The following PDZRN3 variants were observed in gnomAD, a reference collection of about 807,000 sequenced individuals.
PDZRN3 encodes PDZ domain containing ring finger 3.
Under a neutral mutation model 85.7 loss-of-function variants are expected in PDZRN3, and 38 were observed. That is an observed-to-expected ratio of 0.44 (90% CI 0.34 to 0.58). The LOEUF (loss-of-function observed/expected upper bound fraction) is 0.58. Among genes scored for constraint, PDZRN3 ranks in the 20% least tolerant of loss-of-function variants. The pLI is 0.01. For missense variants in PDZRN3, 1,629 were observed against 1,506.4 expected (o/e 1.08, Z -1.35); for synonymous variants, 759 against 638.0 (o/e 1.19, Z -2.86).
intron 3 of PDZRN3, among the ~76,000 whole-genome samples, chr3:73,521,030 G>A (rs958639737): frequency 6.6e-6 from 1 of 152,196 alleles, no homozygotes. Flanking sequence ...GCTGGAAAAG[G>A]CCAGCAGGAA....
chr3:73,427,046 T>C (rs1702330638), intron 3 of PDZRN3, among the ~76,000 whole-genome samples: 1 of 152,102 alleles, frequency 6.6e-6, no homozygotes, highest in African/African-American at 2.4e-5. Flanking sequence ...TATCATCAAA[T>C]GTATTTGGAA....
intron 3 of PDZRN3, among the ~76,000 whole-genome samples, chr3:73,556,249 TTAAGA>T (rs1169740159): frequency 3.6e-4 from 55 of 152,210 alleles, no homozygotes; most frequent in Admixed American, 1.2e-3. Flanking sequence ...AAATCGAAAG[TTAAGA>T]TATTTTTTCC....
intron 3 of PDZRN3, among the ~76,000 whole-genome samples, chr3:73,564,188 G>T (rs138249920): frequency 6.6e-6 from 1 of 152,310 alleles, no homozygotes; most frequent in African/African-American, 2.4e-5. Flanking sequence ...ATTTAGAACA[G>T]TCACTTAACA....
At chr3:73,500,586 T>C (rs1420806996) in intron 3 of PDZRN3, among the ~76,000 whole-genome samples, 1 of 152,200 alleles carries the variant, frequency 6.6e-6, no homozygotes, top group Admixed American at 6.5e-5. Context: ...AGCCTTAACA[T>C]GCTCTTTTCC....
At chr3:73,488,709 C>T (rs1055805505) in intron 3 of PDZRN3, among the ~76,000 whole-genome samples, 7 of 152,200 alleles carry the variant, frequency 4.6e-5, no homozygotes, top group South Asian at 2.1e-4. Flanking sequence ...GGGCTGGCTT[C>T]GTGCACTTAG....
intron 3 of PDZRN3, among the ~76,000 whole-genome samples, chr3:73,553,039 A>T (rs1012526986): frequency 6.6e-6 from 1 of 152,226 alleles, no homozygotes; most frequent in African/African-American, 2.4e-5. Flanking sequence ...GAAAGCTAAC[A>T]TATAAAATGG....
At chr3:73,388,355 C>T (rs1701443724) in intron 7 of PDZRN3, among the ~76,000 whole-genome samples, 2 of 151,900 alleles carry the variant, frequency 1.3e-5, no homozygotes, top group Admixed American at 6.5e-5. Flanking sequence ...GAAGACGGCA[C>T]TGAGAAAAAT....
chr3:73,428,103 C>G (rs947195899), intron 3 of PDZRN3, among the ~76,000 whole-genome samples: 2 of 152,090 alleles, frequency 1.3e-5, no homozygotes, highest in Non-Finnish European at 2.9e-5. Context: ...AGGACCAGGG[C>G]AGATGAGCAG....
intron 3 of PDZRN3, among the ~76,000 whole-genome samples, chr3:73,551,688 C>CAA (rs71126878): frequency 7.3e-4 from 76 of 104,540 alleles, no homozygotes; most frequent in African/African-American, 2.5e-3. Context: ...GACCCTGTTT[C>CAA]AAAAAAAAAA....
intron 3 of PDZRN3, among the ~76,000 whole-genome samples, chr3:73,442,623 T>C (rs1405383563): frequency 1.3e-5 from 2 of 152,094 alleles, no homozygotes; most frequent in Admixed American, 1.3e-4. Flanking sequence ...TATAGTGGGC[T>C]GTTGTGGTGT....
In PDZRN3 at chr3:73,384,023, C is replaced by A. The variant is rs200674446; in HGVS notation, c.2543G>T (p.Ser848Ile). Reference sequence around the variant, plus strand: ...GCCCAGCTTCTGGCTGGGCGTGGGGCTCCGGCTCCCGTCGCTGGCTCTCCG... The same window carrying A: ...GCCCAGCTTCTGGCTGGGCGTGGGGATCCGGCTCCCGTCGCTGGCTCTCCG... ...KERRASDGSR[S>I]PTPSQKLGSA... Residue 848 changes from serine (S) to isoleucine (I), a missense_variant, in exon 10 of 10, where the codon AGC (serine) becomes ATC (isoleucine). Transcript: ENST00000263666. 17 of 1,591,212 alleles carry A rather than the reference C, an allele frequency of 1.1e-5. No homozygotes were observed. Among genetic ancestry groups the A allele is most frequent in the Non-Finnish European group, 1.5e-5 (17 of 1,170,538 alleles).
chr3:73,405,817 T>G (rs1441255185), intron 3 of PDZRN3, among the ~76,000 whole-genome samples: 1 of 152,214 alleles, frequency 6.6e-6, no homozygotes, highest in South Asian at 2.1e-4. Flanking sequence ...GACAATTAGG[T>G]CTATCCTCAG....
At chr3:73,426,608 G>A (rs949928302) in intron 3 of PDZRN3, among the ~76,000 whole-genome samples, 1 of 152,228 alleles carries the variant, frequency 6.6e-6, no homozygotes, top group Non-Finnish European at 1.5e-5. Context: ...CTACTCATCC[G>A]ACAAAGACTC....
chr3:73,391,195 T>C lies in PDZRN3; in HGVS notation c.1255-79A>G, dbSNP rs985256085. 5.7e-6 allele frequency: 5 copies of C among 871,954 alleles called. No homozygotes were observed. In the African/African-American group the frequency reaches 8.3e-5, roughly 15 times the overall value. 54.0% of individuals were successfully genotyped at this position (871,954 alleles called of 1,614,324 possible). A position where few individuals can be genotyped will look rare whatever the true frequency, so the allele number is the denominator to read the frequency against. On this transcript the variant is annotated intron_variant, in intron 5 of 9. Coordinates refer to ENST00000263666, the MANE Select transcript of PDZRN3 (RefSeq NM_015009.3). The stretch of plus-strand genomic sequence containing the variant: ...GGGATGTCAAATGCTTTAAAAATAT[T>C]ATCTTCAAATGAGGAACTGGATTTC...
rs1319093870 is a variant in PDZRN3 at position 73,384,106 on chromosome 3, A to G, written c.2460T>C (p.Pro820=). 6.2e-7 allele frequency: 1 copy of G among 1,613,884 alleles called. No homozygotes were observed. The highest frequency in any genetic ancestry group is 8.5e-7 in the Non-Finnish European group (1 of 1,179,974). The change falls in exon 10 of 10, where the codon CCT becomes CCC. Residue 820 remains proline (P), a synonymous_variant. Transcript: ENST00000263666. The part of the protein sequence containing the change: ...SITEDPEVGT[P]TYSPSLKELD... ...GCTCCTTCAGGGACGGGCTATAGGT[A>G]GGGGTGCCCACTTCGGGATCTTCCG...
At chr3:73,404,065 A>G (rs1464025448) in intron 4 of PDZRN3, 83 bp downstream of exon 4, 2 of 1,386,860 alleles carry the variant, frequency 1.4e-6, no homozygotes, top group East Asian at 2.3e-5. Context: ...GGGTGCATTA[A>G]TTTTTTTCAC....
At chr3:73,459,815 A>G (rs1445421642) in intron 3 of PDZRN3, among the ~76,000 whole-genome samples, 1 of 152,176 alleles carries the variant, frequency 6.6e-6, no homozygotes, top group African/African-American at 2.4e-5. Context: ...CTCTTCTTTT[A>G]TATCTGCCTA....
At chr3:73,432,801 C>G (rs1308056073) in intron 3 of PDZRN3, among the ~76,000 whole-genome samples, 1 of 151,972 alleles carries the variant, frequency 6.6e-6, no homozygotes, top group African/African-American at 2.4e-5. Flanking sequence ...AAAAGAAAAC[C>G]TTAGCTGGAT....
intron 3 of PDZRN3, among the ~76,000 whole-genome samples, chr3:73,467,838 A>C (rs1703251433): frequency 6.6e-6 from 1 of 152,236 alleles, no homozygotes; most frequent in African/African-American, 2.4e-5. Context: ...TAAGTGAAAT[A>C]AGCCAGTTAC....
Sources: allele counts gnomAD v4.1 joint callset (sites outside exome capture counted in the v4.1 genomes callset), GRCh38; gene constraint gnomAD v4.1.1; transcripts MANE v1.5; gene names NCBI Gene and HGNC (gene_info 2026-07-23, HGNC 2026-07-21).